The following SH3PXD2A variants were observed in gnomAD, a reference collection of about 807,000 sequenced individuals.
SH3PXD2A encodes SH3 and PX domains 2A.
SH3PXD2A carries 32 observed loss-of-function variants against 115.2 expected under a neutral mutation model. The ratio of observed to expected loss-of-function variants is 0.28; its 90% CI spans 0.21 to 0.37. SH3PXD2A has a LOEUF of 0.37. Ranked by LOEUF, SH3PXD2A falls within the 10% of genes least tolerant of loss-of-function variation. The pLI is 1.00. For missense variants in SH3PXD2A, 1,328 were observed against 1,498.7 expected, an observed-to-expected ratio of 0.89 and a Z score of 1.88; for synonymous variants, 610 against 629.1, an observed-to-expected ratio of 0.97 and a Z score of 0.45.
At chr10:103,711,999 T>C (rs887388290) in intron 5 of SH3PXD2A, among the ~76,000 whole-genome samples, 1 of 151,810 alleles carries the variant, frequency 6.6e-6, no homozygotes, top group South Asian at 2.1e-4. Context: ...TGAGCCACGA[T>C]TGTGCCACTG....
At chr10:103,667,477 G>A (rs956499454) in intron 7 of SH3PXD2A, among the ~76,000 whole-genome samples, 3 of 152,180 alleles carry the variant, frequency 2.0e-5, no homozygotes, top group Non-Finnish European at 4.4e-5. Flanking sequence ...GTGGAGAGGG[G>A]AAAAAGGGAC....
intron 3 of SH3PXD2A, 88 bp downstream of exon 3, chr10:103,767,005 TC>T: frequency 1.0e-6 from 1 of 962,590 alleles, no homozygotes; most frequent in East Asian, 2.5e-5. Flanking sequence ...CCGCCCAGAA[TC>T]TGCTGCTTAG....
rs779559714 is a variant in SH3PXD2A at position 103,603,271 on chromosome 10, C to A, written c.1947G>T (p.Ser649=). The change falls in exon 15 of 15, where the codon TCG becomes TCT. Residue 649 remains serine, a synonymous_variant. Transcript: ENST00000369774. ...GGGAGTTTTTCCTGGTCAGGGACAG[C>A]GAGGAGCTGCCTGGGGAGTCGCTGT... ...SGDSDSPGSS[S]LSLTRKNSPK... 7 of 1,613,782 alleles carry A rather than the reference C, an allele frequency of 4.3e-6. No homozygotes were observed. Among genetic ancestry groups the A allele is most frequent in the Non-Finnish European group, 5.9e-6 (7 of 1,180,008 alleles).
intron 5 of SH3PXD2A, among the ~76,000 whole-genome samples, chr10:103,696,558 G>A (rs2134136223): frequency 6.6e-6 from 1 of 152,276 alleles, no homozygotes; most frequent in Non-Finnish European, 1.5e-5. Flanking sequence ...CTTGCCCTGA[G>A]CTGGTGCTGA....
chr10:103,632,570 T>C (rs1428558877), intron 8 of SH3PXD2A, among the ~76,000 whole-genome samples: 3 of 151,556 alleles, frequency 2.0e-5, no homozygotes, highest in African/African-American at 7.3e-5. Context: ...TCTGCTCATG[T>C]TAACCTGTGC....
intron 5 of SH3PXD2A, among the ~76,000 whole-genome samples, chr10:103,701,828 A>T (rs888810123): frequency 1.4e-5 from 2 of 147,950 alleles, no homozygotes; most frequent in Non-Finnish European, 3.0e-5. Flanking sequence ...TCTGTCCATC[A>T]TCTATCTACC....
intron 2 of SH3PXD2A, among the ~76,000 whole-genome samples, chr10:103,779,419 C>A (rs1310655237): frequency 6.6e-6 from 1 of 152,236 alleles, no homozygotes; most frequent in East Asian, 1.9e-4. Flanking sequence ...TGCTTGTGAA[C>A]TTCCCTCCCT....
At chr10:103,697,073 A>G (rs534727371) in intron 5 of SH3PXD2A, among the ~76,000 whole-genome samples, 20 of 152,156 alleles carry the variant, frequency 1.3e-4, no homozygotes, top group African/African-American at 4.8e-4. Flanking sequence ...GGATGATGCA[A>G]GCTATGTTTG....
At chr10:103,851,707 A>G (rs1339880388) in intron 1 of SH3PXD2A, among the ~76,000 whole-genome samples, 1 of 152,188 alleles carries the variant, frequency 6.6e-6, no homozygotes, top group Non-Finnish European at 1.5e-5. Context: ...TCACACGAAA[A>G]CACGAGTGTT....
At chr10:103,809,450 C>T (rs1029518411) in intron 1 of SH3PXD2A, among the ~76,000 whole-genome samples, 3 of 152,104 alleles carry the variant, frequency 2.0e-5, no homozygotes, top group Admixed American at 6.5e-5. Flanking sequence ...ATCCACCAGT[C>T]GCCTCCAAAA....
At chr10:103,802,817 C>T (rs1056156185) in intron 1 of SH3PXD2A, among the ~76,000 whole-genome samples, 1 of 152,048 alleles carries the variant, frequency 6.6e-6, no homozygotes, top group Non-Finnish European at 1.5e-5. Flanking sequence ...GGGCCGGGGG[C>T]AGGCTTCATA....
intron 2 of SH3PXD2A, among the ~76,000 whole-genome samples, chr10:103,796,427 T>C (rs568761911): frequency 2.0e-5 from 3 of 151,864 alleles, no homozygotes; most frequent in African/African-American, 7.2e-5. Context: ...TATGGGCATC[T>C]TCTTTGTTCC....
intron 8 of SH3PXD2A, among the ~76,000 whole-genome samples, chr10:103,653,902 G>A (rs1414805631): frequency 2.6e-5 from 4 of 151,780 alleles, no homozygotes; most frequent in African/African-American, 7.3e-5. Context: ...CCAGCTTCCC[G>A]AGGCCCCACC....
rs1233411101 is a variant in SH3PXD2A, at chr10:103,735,769, GCT to G, written c.267_268del (p.Ala90CysfsTer9). 1 of 1,612,056 alleles carries G rather than the reference GCT, an allele frequency of 6.2e-7. No homozygotes were observed. The highest frequency in any genetic ancestry group is 2.2e-5 in the East Asian group (1 of 44,742). ...ATCGATGGGCTTCAGTCTCTTCACA[GCT>G]ACGTCCCGGATGTGGCTTCTGCGGA... On this transcript the variant is annotated frameshift_variant, in exon 4 of 15. Transcript: ENST00000369774. LOFTEE classifies it high-confidence loss of function.
chr10:103,633,792 T>C (rs564830972), intron 8 of SH3PXD2A, among the ~76,000 whole-genome samples: 3 of 130,440 alleles, frequency 2.3e-5, no homozygotes, highest in African/African-American at 8.4e-5. Flanking sequence ...AGCGGGAGAA[T>C]AGGATTCTAA....
chr10:103,802,726 C>T lies in SH3PXD2A; in HGVS notation c.73-1364G>A, dbSNP rs184349144. ...AAGACACAGGTAAGACCTCTGCCCC[C>T]TTTCCTCCCTCAGGAGAGAGGCAAT... On this transcript the variant is annotated intron_variant, in intron 1 of 14. Coordinates refer to ENST00000369774, the MANE Select transcript of SH3PXD2A (RefSeq NM_001394015.1). 3.6e-3 allele frequency among the ~76,000 whole-genome samples: 546 copies of T among 152,338 alleles called. 3 individuals carry two copies. The highest frequency in any genetic ancestry group is 9.4e-3 in the Admixed American group (144 of 15,310).
chr10:103,811,973 C>A (rs2039275394), intron 1 of SH3PXD2A, among the ~76,000 whole-genome samples: 1 of 152,202 alleles, frequency 6.6e-6, no homozygotes, highest in East Asian at 1.9e-4. Flanking sequence ...CCTTCCCCTG[C>A]AAAGTGCCTA....
At chr10:103,647,809 C>T (rs1361656701) in intron 8 of SH3PXD2A, among the ~76,000 whole-genome samples, 1 of 152,176 alleles carries the variant, frequency 6.6e-6, no homozygotes, top group Non-Finnish European at 1.5e-5. Context: ...GGGGAAAGCA[C>T]ACTCCACATA....
Position 103,627,187 on chromosome 10 carries a change from C to T in SH3PXD2A, c.620G>A (p.Ser207Asn). The T allele has an allele frequency of 6.2e-7, 1 of 1,609,648 alleles. No individual in the cohort carries two copies. Among genetic ancestry groups the T allele is most frequent in the Non-Finnish European group, 8.5e-7 (1 of 1,176,064 alleles). ...GACCCAGCCCTGCTCCTCAGAAGTG[C>T]TCACGAACCACCAGCCTGCAGGGAG... is the stretch of plus-strand genomic sequence containing the variant. ...EKNESGWWFV[S>N]TSEEQGWVPA... Residue 207 changes from serine to asparagine, a missense_variant, in exon 9 of 15, where the codon AGC becomes AAC. By Grantham distance (46) the Ser-to-Asn change is conservative (BLOSUM62 1). This residue lies in a region of SH3PXD2A where 509 missense variants were observed against 628.3 expected (regional missense o/e 0.81). Transcript: ENST00000369774. The surrounding 1 kb of genome is among the most constrained non-coding windows in gnomAD (Gnocchi z 4.4).
Sources: allele counts gnomAD v4.1 joint callset (sites outside exome capture counted in the v4.1 genomes callset), GRCh38; gene constraint gnomAD v4.1.1; regional missense constraint gnomAD v4.1.1; non-coding constraint Gnocchi (gnomAD v3.1); transcripts MANE v1.5; gene names NCBI Gene and HGNC (gene_info 2026-07-23, HGNC 2026-07-21).